The following AKAP8L variants were observed in gnomAD, a reference collection of about 807,000 sequenced individuals.
AKAP8L encodes A-kinase anchor protein 8-like.
In AKAP8L, 34 loss-of-function variants were observed where a neutral mutation model predicts 77.5. The ratio of observed to expected loss-of-function variants is 0.44; its 90% CI spans 0.33 to 0.58. The LOEUF (loss-of-function observed/expected upper bound fraction) is 0.58. Among genes scored for constraint, AKAP8L ranks in the 20% least tolerant of loss-of-function variants. The pLI is 0.02. For missense variants in AKAP8L, 806 were observed against 887.6 expected (o/e 0.91, Z 1.17); for synonymous variants, 342 against 340.7 (o/e 1.00, Z -0.04).
Position 15,401,512 on chromosome 19 carries a change from CAG to C in AKAP8L, c.452_453del (p.Pro151ArgfsTer7). ...RSGYDYSELD[P>X]EMEMAYEGQY... ...TGGCCCTCATAGGCCATTTCCATCT[CAG>C]GGTCAAGCTCGCTGTAGTCATAGCC... On this transcript the variant is annotated frameshift_variant, in exon 5 of 14. Coordinates refer to ENST00000397410, the MANE Select transcript of AKAP8L (RefSeq NM_014371.4). LOFTEE classifies it high-confidence loss of function. This position sits in a 1 kb window ranked among gnomAD's most constrained non-coding sequence, Gnocchi z 6.2. The C allele has an allele frequency of 6.2e-7, 1 of 1,613,894 alleles. No homozygotes were observed.
chr19:15,415,240 C>A (rs1319968252), intron 1 of AKAP8L, among the ~76,000 whole-genome samples: 2 of 152,066 alleles, frequency 1.3e-5, no homozygotes, highest in African/African-American at 4.8e-5. Flanking sequence ...TCAAGACCTG[C>A]GTGGCAACAT....
intron 12 of AKAP8L, among the ~76,000 whole-genome samples, chr19:15,385,110 T>A (rs1490957952): frequency 2.0e-5 from 3 of 152,154 alleles, no homozygotes; most frequent in African/African-American, 7.2e-5. Context: ...CCCAAGTAGC[T>A]GGGACTACAG....
chr19:15,395,370 G>A (rs565666742), intron 12 of AKAP8L, among the ~76,000 whole-genome samples: 6 of 150,298 alleles, frequency 4.0e-5, no homozygotes, highest in East Asian at 2.0e-4. Flanking sequence ...ATTGCTCTGC[G>A]AGTGGCGCAA....
In AKAP8L at chr19:15,397,270, C is replaced by T. The variant is rs200143056; in HGVS notation, c.1416G>A (p.Met472Ile). The T allele has an allele frequency of 3.5e-4, 563 of 1,613,838 alleles. No homozygotes were observed. The highest frequency in any genetic ancestry group is 4.4e-4 in the Non-Finnish European group (521 of 1,179,898). ...RDQDLTQEIAMEHFVKKVEAA... is the reference protein window; with the variant it reads ...RDQDLTQEIAIEHFVKKVEAA... ...CCTCCACCTTCTTCACAAAATGCTC[C>T]ATGGCAATTTCTGTAGTGGGGAGGA... is the stretch of plus-strand genomic sequence containing the variant. Residue 472 changes from methionine (M) to isoleucine (I), a missense_variant, in exon 12 of 14, where the codon ATG becomes ATA. Physicochemically the swap from Met to Ile is conservative, Grantham distance 10. Around this residue, in one of 2 missense-constraint regions of AKAP8L, gnomAD observed 580 missense variants for 694.1 expected, o/e 0.84. Transcript: ENST00000397410. The surrounding 1 kb of genome is among the most constrained non-coding windows in gnomAD (Gnocchi z 4.7).
At chr19:15,381,841 T>G (rs1160644401) in intron 12 of AKAP8L, 1 of 152,238 alleles carries the variant, frequency 6.6e-6, no homozygotes, top group Non-Finnish European at 1.5e-5. Flanking sequence ...CTTCCAGATC[T>G]TCTCCACAAT....
At chr19:15,418,673 C>T (rs2145159387) in intron 1 of AKAP8L, among the ~76,000 whole-genome samples, 1 of 152,288 alleles carries the variant, frequency 6.6e-6, no homozygotes, top group East Asian at 1.9e-4. Flanking sequence ...CGGACACAGG[C>T]GACAGAAGCC....
In AKAP8L at chr19:15,410,546, G is replaced by T; in HGVS notation, c.62C>A (p.Thr21Asn). 1 of 1,590,712 alleles carries T rather than the reference G, an allele frequency of 6.3e-7. No homozygotes were observed. Among genetic ancestry groups the T allele is most frequent in the Non-Finnish European group, 8.6e-7 (1 of 1,168,584 alleles). ...ATAATCACAGGTGGGCTGAGCGCTGGTATCCGAGTATGTCGACTGCAAAGT... is the reference window on the plus strand; with the variant it reads ...ATAATCACAGGTGGGCTGAGCGCTGTTATCCGAGTATGTCGACTGCAAAGT... The part of the protein sequence containing the change: ...ETTLQSTYSD[T>N]SAQPTCDYGY... Residue 21 changes from threonine (T) to asparagine (N), a missense_variant, in exon 2 of 14, where the codon ACC (threonine) becomes AAC (asparagine). Around this residue, in one of 2 missense-constraint regions of AKAP8L, gnomAD observed 580 missense variants for 694.1 expected, o/e 0.84. Transcript: ENST00000397410.
chr19:15,388,358 C>T (rs1253285723), intron 12 of AKAP8L, among the ~76,000 whole-genome samples: 1 of 152,016 alleles, frequency 6.6e-6, no homozygotes, highest in African/African-American at 2.4e-5. Flanking sequence ...GAAACTCTGA[C>T]CCAGGCACAG....
At position 15,399,866 on chromosome 19, in the gene AKAP8L, G is replaced by A. The variant is rs1322511048; in HGVS notation, c.1048+429C>T. 3 of 309,142 alleles carry A rather than the reference G, an allele frequency of 9.7e-6. No homozygotes were observed. The South Asian group carries it at 1.2e-4, about 12-fold the overall frequency. 19.1% of individuals were successfully genotyped at this position (309,142 alleles called of 1,614,324 possible). A position where few individuals can be genotyped will look rare whatever the true frequency, so the allele number is the denominator to read the frequency against. On this transcript the variant is annotated intron_variant, in intron 8 of 13. Coordinates refer to ENST00000397410, the MANE Select transcript of AKAP8L (RefSeq NM_014371.4). The surrounding 1 kb of genome is among the most constrained non-coding windows in gnomAD (Gnocchi z 6.1). ...CTCATCACTCAGGTGGGGGGACACG[G>A]AATCCCAACAGGGGCTGGAGAGGTG...
At chr19:15,408,289 G>A (rs1027696733) in intron 2 of AKAP8L, among the ~76,000 whole-genome samples, 61 of 152,292 alleles carry the variant, frequency 4.0e-4, no homozygotes, top group African/African-American at 1.3e-3. Flanking sequence ...TATAGGCCTG[G>A]CACAGTGGCT....
intron 12 of AKAP8L, among the ~76,000 whole-genome samples, chr19:15,385,405 T>C (rs1381836110): frequency 2.6e-5 from 4 of 151,576 alleles, no homozygotes; most frequent in Non-Finnish European, 4.4e-5. Context: ...ATGGTCTCGA[T>C]CTCCTGACCT....
chr19:15,404,017 TG>T lies in AKAP8L; in HGVS notation c.113del (p.Thr38LysfsTer62). ...CACAGGAATGACACTTGCCTCTATT[TG>T]TCCCAGAGTTCCAAGTTCCATATCC... ...DYGYGTWNSG[T>X]NRGYEGYGYG... On this transcript the variant is annotated frameshift_variant, in exon 3 of 14. Transcript: ENST00000397410. LOFTEE classifies it high-confidence loss of function. The T allele has an allele frequency of 6.2e-7, 1 of 1,613,908 alleles. No homozygotes were observed. Among genetic ancestry groups the T allele is most frequent in the African/African-American group, 1.3e-5 (1 of 75,046 alleles).
chr19:15,416,974 T>C, intron 1 of AKAP8L, among the ~76,000 whole-genome samples: 1 of 152,214 alleles, frequency 6.6e-6, no homozygotes, highest in South Asian at 2.1e-4. Context: ...CCCTACTTCT[T>C]AAATAAGGGG....
Position 15,399,540 on chromosome 19 carries a change from C to T in AKAP8L, c.1049-130G>A. 1.4e-6 allele frequency: 1 copy of T among 727,990 alleles called. No individual in the cohort carries two copies. The highest frequency in any genetic ancestry group is 1.5e-5 in the South Asian group (1 of 64,754). 45.1% of individuals were successfully genotyped at this position (727,990 alleles called of 1,614,324 possible). A position where few individuals can be genotyped will look rare whatever the true frequency, so the allele number is the denominator to read the frequency against. On this transcript the variant is annotated intron_variant, in intron 8 of 13. Transcript: ENST00000397410. The surrounding 1 kb of genome is among the most constrained non-coding windows in gnomAD (Gnocchi z 6.1). ...GAGAATAGCTGTCCAAGCAAGGCCT[C>T]TGGCCATGAGCAGGGCTGGGTATCC...
In AKAP8L at chr19:15,398,477, A is replaced by G. The variant is rs1967822934; in HGVS notation, c.1158-622T>C. ...AAGGAGGGCGCCCGCTCGGCCTGCC[A>G]GAGGGCAGCCTGGAGTCACCTGGGC... On this transcript the variant is annotated intron_variant, in intron 9 of 13. Transcript: ENST00000397410. This position sits in a 1 kb window ranked among gnomAD's most constrained non-coding sequence, Gnocchi z 9.2. 1.4e-6 allele frequency: 1 copy of G among 696,434 alleles called. No homozygotes were observed. Among genetic ancestry groups the G allele is most frequent in the Non-Finnish European group, 1.8e-6 (1 of 565,228 alleles). The allele number at this position is 696,434 out of a possible 1,614,324, so 43.1% of individuals were successfully genotyped here.
chr19:15,414,885 G>A (rs925173227), intron 1 of AKAP8L, among the ~76,000 whole-genome samples: 3 of 152,180 alleles, frequency 2.0e-5, no homozygotes, highest in Admixed American at 6.5e-5. Flanking sequence ...TGTGGCCTCA[G>A]CCTCCGGGGC....
In AKAP8L at chr19:15,391,457, C is replaced by CAAAA. The variant is rs1163781609; in HGVS notation, c.1536+5689_1536+5692dup. Among the ~76,000 whole-genome samples the CAAAA allele has an allele frequency of 1.1e-3, 40 of 34,892 alleles. 5 individuals are homozygous for CAAAA. In the East Asian group the frequency reaches 0.025, roughly 22 times the overall value. 22.9% of individuals were successfully genotyped at this position (34,892 alleles called of 152,430 possible). A position where few individuals can be genotyped will look rare whatever the true frequency, so the allele number is the denominator to read the frequency against. On this transcript the variant is annotated intron_variant, in intron 12 of 13. Transcript: ENST00000397410. The stretch of plus-strand genomic sequence containing the variant: ...AGGGCGACAGAGTGAGACTCTGTCT[C>CAAAA]AAAAAAAAAAAAAAAAAAAAAAAAT...
intron 4 of AKAP8L, among the ~76,000 whole-genome samples, chr19:15,402,536 T>C (rs1967920537): frequency 6.6e-6 from 1 of 152,220 alleles, no homozygotes; most frequent in Admixed American, 6.5e-5. Context: ...AAGCCTCACA[T>C]GCCAAGCCCT....
At chr19:15,393,265 C>T (rs1195566672) in intron 12 of AKAP8L, among the ~76,000 whole-genome samples, 5 of 152,102 alleles carry the variant, frequency 3.3e-5, no homozygotes, top group Non-Finnish European at 1.5e-5. Flanking sequence ...GGTAAATCTT[C>T]GTGACCTTGG....
Sources: allele counts gnomAD v4.1 joint callset (sites outside exome capture counted in the v4.1 genomes callset), GRCh38; gene constraint gnomAD v4.1.1; regional missense constraint gnomAD v4.1.1; non-coding constraint Gnocchi (gnomAD v3.1); transcripts MANE v1.5; gene names NCBI Gene and HGNC (gene_info 2026-07-23, HGNC 2026-07-21).